Variants in SLC16A2 observed in about 807,000 individuals in gnomAD.
SLC16A2 encodes monocarboxylate transporter 8.
SLC16A2 carries 3 observed loss-of-function variants against 27.2 expected under a neutral mutation model. The observed-to-expected ratio is 0.11, with a 90% confidence interval of 0.05 to 0.28. SLC16A2 has a LOEUF of 0.28. Ranked by LOEUF, SLC16A2 falls within the 10% of genes least tolerant of loss-of-function variation. SLC16A2 has a pLI of 1.00. For missense variants in SLC16A2, 295 were observed against 458.5 expected (o/e 0.64, Z 3.26); for synonymous variants, 202 against 187.8 (o/e 1.08, Z -0.62).
At chrX:74,520,852 C>G in intron 1 of SLC16A2, 138 bp from the exon 2 acceptor site, 1 of 644,571 alleles carries the variant, frequency 1.6e-6, no homozygotes, top group Non-Finnish European at 2.6e-6. Flanking sequence ...ACTCTCTGAA[C>G]ATCAGGGACT....
chrX:74,425,565 A>G (rs989765115), intron 1 of SLC16A2, among the ~76,000 whole-genome samples: 1 of 111,137 alleles, frequency 9.0e-6, no homozygotes. Context: ...TGTGGAAAGT[A>G]AAGGCCCAAG....
At chrX:74,490,074 C>CA (rs60267002) in intron 1 of SLC16A2, among the ~76,000 whole-genome samples, 30,212 of 95,730 alleles carry the variant, frequency 0.32, 4,952 homozygotes, top group East Asian at 0.85. Context: ...CACTGGCTTG[C>CA]AAAAAAAAAA....
At chrX:74,432,899 T>C (rs759154255) in intron 1 of SLC16A2, among the ~76,000 whole-genome samples, 1 of 111,866 alleles carries the variant, frequency 8.9e-6, no homozygotes, top group South Asian at 3.8e-4. Context: ...AAAGGTATGA[T>C]GGTGAAAAGT....
intron 2 of SLC16A2, among the ~76,000 whole-genome samples, chrX:74,522,675 A>T (rs775709559): frequency 8.9e-6 from 1 of 112,176 alleles, no homozygotes; most frequent in South Asian, 3.7e-4. Flanking sequence ...GCTCAATTAC[A>T]GGAGGGGAAG....
At chrX:74,490,503 T>C (rs970740604) in intron 1 of SLC16A2, among the ~76,000 whole-genome samples, 4 of 111,185 alleles carry the variant, frequency 3.6e-5, no homozygotes, top group African/African-American at 6.5e-5. Flanking sequence ...AGTTTTCCTC[T>C]CTGGAGGTCT....
At chrX:74,476,710 G>A (rs1397226753) in intron 1 of SLC16A2, among the ~76,000 whole-genome samples, 2 of 111,845 alleles carry the variant, frequency 1.8e-5, no homozygotes, top group South Asian at 3.7e-4. Context: ...TTTGTCAAAG[G>A]CCTTTTCTGC....
intron 1 of SLC16A2, among the ~76,000 whole-genome samples, chrX:74,487,460 G>A (rs774484487): frequency 6.3e-5 from 7 of 111,447 alleles, no homozygotes; most frequent in Admixed American, 1.9e-4. Context: ...CATTTATCTG[G>A]CCCACTACGC....
intron 1 of SLC16A2, among the ~76,000 whole-genome samples, chrX:74,475,076 A>G (rs1929440763): frequency 9.0e-6 from 1 of 110,517 alleles, no homozygotes; most frequent in Admixed American, 9.6e-5. Context: ...CAATAGTTGA[A>G]CTAGTTTACA....
intron 1 of SLC16A2, among the ~76,000 whole-genome samples, chrX:74,487,709 G>A (rs995849014): frequency 1.5e-4 from 17 of 111,525 alleles, no homozygotes; most frequent in Non-Finnish European, 1.9e-5. Context: ...TATACTCTCC[G>A]GTTTTAAAAG....
intron 1 of SLC16A2, among the ~76,000 whole-genome samples, chrX:74,508,590 G>T (rs748819086): frequency 8.9e-6 from 1 of 111,788 alleles, no homozygotes; most frequent in Non-Finnish European, 1.9e-5. Flanking sequence ...AGCTTTTTTT[G>T]TAGAGTCCTT....
chrX:74,532,202 C>T lies in SLC16A2; in HGVS notation c.*649C>T, dbSNP rs750114490. 8.6e-6 allele frequency: 1 copy of T among 116,132 alleles called. No individual in the cohort carries two copies. Among genetic ancestry groups the T allele is most frequent in the Non-Finnish European group, 1.8e-5 (1 of 55,675 alleles). 9.6% of individuals were successfully genotyped at this position (116,132 alleles called of 1,213,427 possible). A position where few individuals can be genotyped will look rare whatever the true frequency, so the allele number is the denominator to read the frequency against. ...CCCCTCTATTTCTTTGTATGACTGT[C>T]ATAGACACATGGGTGCTTGAAGAAA... On this transcript the variant is annotated 3_prime_UTR_variant, in exon 6 of 6. Coordinates refer to ENST00000587091, the MANE Select transcript of SLC16A2 (RefSeq NM_006517.5).
At chrX:74,505,578 G>C (rs1450405320) in intron 1 of SLC16A2, among the ~76,000 whole-genome samples, 1 of 111,927 alleles carries the variant, frequency 8.9e-6, no homozygotes, top group Non-Finnish European at 1.9e-5. Flanking sequence ...AGGCTTTCAT[G>C]CTTCATGAAG....
At chrX:74,503,185 T>C (rs1341002344) in intron 1 of SLC16A2, among the ~76,000 whole-genome samples, 1 of 110,378 alleles carries the variant, frequency 9.1e-6, no homozygotes, top group Non-Finnish European at 1.9e-5. Context: ...AATTATATGA[T>C]TTTTTCAAAT....
intron 1 of SLC16A2, among the ~76,000 whole-genome samples, chrX:74,494,781 G>T (rs1243006572): frequency 1.8e-5 from 2 of 111,236 alleles, no homozygotes; most frequent in Non-Finnish European, 3.8e-5. Context: ...GAAGAGCTCA[G>T]TGTCACCCAG....
At chrX:74,472,742 CAA>C (rs34474433) in intron 1 of SLC16A2, among the ~76,000 whole-genome samples, 10 of 94,869 alleles carry the variant, frequency 1.1e-4, no homozygotes, top group East Asian at 6.2e-4. Flanking sequence ...AGCATGGGTG[CAA>C]AAAAAAAAAA....
intron 1 of SLC16A2, among the ~76,000 whole-genome samples, chrX:74,447,626 G>A (rs1373920145): frequency 9.2e-6 from 1 of 109,244 alleles, no homozygotes; most frequent in Non-Finnish European, 1.9e-5. Context: ...AGTGAGCTAT[G>A]AACTCACCAC....
chrX:74,422,387 C>G (rs931785573), intron 1 of SLC16A2, among the ~76,000 whole-genome samples: 3 of 110,708 alleles, frequency 2.7e-5, no homozygotes, highest in African/African-American at 9.9e-5. Context: ...GTTTAAGGTA[C>G]CTTTGCCCCT....
intron 2 of SLC16A2, 95 bp from the exon 3 acceptor site, chrX:74,524,264 G>A: frequency 8.7e-6 from 8 of 924,829 alleles, no homozygotes; most frequent in Non-Finnish European, 1.2e-5. Context: ...TGTGGGTTAA[G>A]GGCGGAGGAA....
At chrX:74,423,120 C>A (rs1242788339) in intron 1 of SLC16A2, among the ~76,000 whole-genome samples, 1 of 112,607 alleles carries the variant, frequency 8.9e-6, no homozygotes, top group Non-Finnish European at 1.9e-5. Flanking sequence ...GCTTTCCCAG[C>A]AAAGCCGCTG....
Sources: allele counts gnomAD v4.1 joint callset (sites outside exome capture counted in the v4.1 genomes callset), GRCh38; gene constraint gnomAD v4.1.1; transcripts MANE v1.5; gene names NCBI Gene and HGNC (gene_info 2026-07-23, HGNC 2026-07-21).